Variants in PRDM16 observed in about 807,000 individuals in gnomAD.
The protein encoded by PRDM16 is PR/SET domain 16.
A neutral mutation model predicts 110.6 loss-of-function variants in PRDM16; 23 were observed. The ratio of observed to expected loss-of-function variants is 0.21; its 90% confidence interval spans 0.15 to 0.29. The LOEUF (loss-of-function observed/expected upper bound fraction) is 0.29. PRDM16 is among the 10% of genes least tolerant of loss of function. The pLI is 1.00. For missense variants in PRDM16, 1,615 were observed against 1,794.3 expected (o/e 0.90, Z 1.81); for synonymous variants, 799 against 781.8 (o/e 1.02, Z -0.37).
At chr1:3,140,576 GA>G (rs1269331129) in intron 1 of PRDM16, among the ~76,000 whole-genome samples, 4 of 152,182 alleles carry the variant, frequency 2.6e-5, no homozygotes, top group African/African-American at 9.7e-5. Flanking sequence ...TCTAACTCAG[GA>G]GCAATTCATT....
At chr1:3,391,900 G>T (rs1469782568) in intron 4 of PRDM16, among the ~76,000 whole-genome samples, 2 of 152,248 alleles carry the variant, frequency 1.3e-5, no homozygotes, top group African/African-American at 4.8e-5. Context: ...GCAAATCGGG[G>T]TGCTGCCCCT....
chr1:3,070,519 C>T (rs1449467632), intron 1 of PRDM16, among the ~76,000 whole-genome samples: 1 of 150,324 alleles, frequency 6.7e-6, no homozygotes, highest in African/African-American at 2.4e-5. Context: ...GCTCCCGCCG[C>T]CCCCTCCTCT....
chr1:3,355,727 C>T (rs1570125123), intron 3 of PRDM16, among the ~76,000 whole-genome samples: 1 of 152,204 alleles, frequency 6.6e-6, no homozygotes, highest in Non-Finnish European at 1.5e-5. Flanking sequence ...GGGAGAAGTG[C>T]AGCCGCCACC....
chr1:3,421,022 C>G (rs772736999), intron 12 of PRDM16, among the ~76,000 whole-genome samples: 10 of 152,338 alleles, frequency 6.6e-5, no homozygotes, highest in Non-Finnish European at 1.2e-4. Flanking sequence ...TCCATCCTGC[C>G]TTCTGTGTGA....
chr1:3,107,942 AG>A (rs1305535102), intron 1 of PRDM16, among the ~76,000 whole-genome samples: 1 of 152,172 alleles, frequency 6.6e-6, no homozygotes, highest in African/African-American at 2.4e-5. Context: ...CCTGCCGGGG[AG>A]GGGGGCTGAA....
rs576011355 is a variant in PRDM16, at chr1:3,358,872, C to G, written c.439-26280C>G. ...GCCATTTTGAGGAAAACAGACACCC[C>G]TCTTGGGCCGCAGAGGAGGTGGGGA... On this transcript the variant is annotated intron_variant, in intron 3 of 16. Transcript: ENST00000270722. This position sits in a 1 kb window ranked among gnomAD's most constrained non-coding sequence, Gnocchi z 4.0. 7.2e-5 allele frequency among the ~76,000 whole-genome samples: 11 copies of G among 152,284 alleles called. No homozygotes were observed. Among genetic ancestry groups the G allele is most frequent in the Middle Eastern group, 3.4e-3 (1 of 294 alleles).
At chr1:3,366,344 T>C (rs2100569357) in intron 3 of PRDM16, among the ~76,000 whole-genome samples, 1 of 152,318 alleles carries the variant, frequency 6.6e-6, no homozygotes, top group East Asian at 1.9e-4. Flanking sequence ...GCACGCACTC[T>C]CTGTGGGTTC....
At chr1:3,321,672 CGT>C (rs755944938) in intron 3 of PRDM16, among the ~76,000 whole-genome samples, 51 of 150,316 alleles carry the variant, frequency 3.4e-4, no homozygotes, top group African/African-American at 4.6e-4. Context: ...TGTGGGTGCA[CGT>C]GTGTGTGTGG....
At position 3,257,299 on chromosome 1, in the gene PRDM16, ACT is replaced by A. The variant is rs1271364578; in HGVS notation, c.438+13167_438+13168del. Among the ~76,000 whole-genome samples the A allele has an allele frequency of 3.9e-5, 6 of 152,154 alleles. No individual in the cohort carries two copies. The South Asian group carries it at 8.3e-4, about 21-fold the overall frequency. On this transcript the variant is annotated intron_variant, in intron 3 of 16. Transcript: ENST00000270722. ...CCTTCCAGGAACGAGGTAGGATGAGACTCTCTGCCCACCTGGGGTTGGGTGGA... is the reference window on the plus strand; with the variant it reads ...CCTTCCAGGAACGAGGTAGGATGAGACTCTGCCCACCTGGGGTTGGGTGGA...
At chr1:3,253,968 C>T (rs534041759) in intron 3 of PRDM16, among the ~76,000 whole-genome samples, 13 of 152,214 alleles carry the variant, frequency 8.5e-5, no homozygotes, top group East Asian at 3.9e-4. Context: ...GGTGATGGTG[C>T]GCATTTTTTC....
chr1:3,221,378 A>G (rs1367490823), intron 2 of PRDM16, among the ~76,000 whole-genome samples: 1 of 152,224 alleles, frequency 6.6e-6, no homozygotes, highest in South Asian at 2.1e-4. Flanking sequence ...CGGATCATGT[A>G]CGTGGGACTT....
At position 3,161,781 on chromosome 1, in the gene PRDM16, C is replaced by A. The variant is rs147680499; in HGVS notation, c.38-24344C>A. On this transcript the variant is annotated intron_variant, in intron 1 of 16. Transcript: ENST00000270722. ...CGGCACCTGAACAGTCCTAAGCAGG[C>A]CCATGCCAGCGGCGTCCCAGCTCCT... 9.8e-3 allele frequency among the ~76,000 whole-genome samples: 1,499 copies of A among 152,358 alleles called. 22 individuals carry two copies. The highest frequency in any genetic ancestry group is 0.032 in the African/African-American group (1,314 of 41,584).
At position 3,371,178 on chromosome 1, in the gene PRDM16, T is replaced by TATCC. The variant is rs1279336769; in HGVS notation, c.439-13948_439-13945dup. ...TCCATCCACCCACCGATCCACCATC[T>TATCC]ATCCATCCATCCATCCATCCATCCA... is the stretch of plus-strand genomic sequence containing the variant. On this transcript the variant is annotated intron_variant, in intron 3 of 16. Coordinates refer to ENST00000270722, the MANE Select transcript of PRDM16 (RefSeq NM_022114.4). Among the ~76,000 whole-genome samples, 38 of 100,344 alleles carry TATCC rather than the reference T, an allele frequency of 3.8e-4. 1 individual carries two copies. The highest frequency in any genetic ancestry group is 3.2e-3 in the East Asian group (10 of 3,100). The allele number at this position is 100,344 out of a possible 152,430, so 65.8% of individuals were successfully genotyped here.
At chr1:3,296,868 G>T (rs1444846738) in intron 3 of PRDM16, among the ~76,000 whole-genome samples, 5 of 152,156 alleles carry the variant, frequency 3.3e-5, no homozygotes, top group Non-Finnish European at 7.3e-5. Flanking sequence ...AGTCAAAAAC[G>T]CAGTTCACAC....
chr1:3,266,154 A>C (rs1368109218), intron 3 of PRDM16, among the ~76,000 whole-genome samples: 1 of 152,214 alleles, frequency 6.6e-6, no homozygotes, highest in Admixed American at 6.5e-5. Flanking sequence ...GCTGCTTCAG[A>C]AGTTCAGAAA....
At chr1:3,207,161 G>A (rs996827174) in intron 2 of PRDM16, 2 of 152,198 alleles carry the variant, frequency 1.3e-5, no homozygotes, top group Non-Finnish European at 2.9e-5. Context: ...ATCTCTGAAA[G>A]CGCTACCCAG....
chr1:3,095,409 A>G (rs1217482163), intron 1 of PRDM16, among the ~76,000 whole-genome samples: 1 of 152,092 alleles, frequency 6.6e-6, no homozygotes, highest in South Asian at 2.1e-4. Context: ...CATGGGTCAG[A>G]TGGACAGTGG....
intron 3 of PRDM16, among the ~76,000 whole-genome samples, chr1:3,355,178 G>A (rs977232295): frequency 2.0e-5 from 3 of 152,162 alleles, no homozygotes; most frequent in African/African-American, 7.2e-5. Flanking sequence ...GTGTGCCGGG[G>A]AGCTCCGAGC....
rs189861409 is a variant in PRDM16 at position 3,347,818 on chromosome 1, G to A, written c.439-37334G>A. Among the ~76,000 whole-genome samples the A allele has an allele frequency of 4.1e-4, 63 of 152,330 alleles. No homozygotes were observed. In the East Asian group the frequency reaches 0.011, roughly 26 times the overall value. ...GCCCCTGAGGGCTCTGGGCTGGGGC[G>A]GGAACAGGAAGGGCAGCCACCTGGT... On this transcript the variant is annotated intron_variant, in intron 3 of 16. Coordinates refer to ENST00000270722, the MANE Select transcript of PRDM16 (RefSeq NM_022114.4).
Sources: gnomAD v4.1 joint callset for allele counts (sites outside exome capture counted in the v4.1 genomes callset) on GRCh38, gnomAD v4.1.1 for gene constraint, Gnocchi (gnomAD v3.1) non-coding constraint, MANE v1.5 for transcripts, NCBI Gene and HGNC (gene_info 2026-07-23, HGNC 2026-07-21) for gene names.